Variants in EIF2AK2 observed in about 807,000 individuals in gnomAD.
The protein encoded by EIF2AK2 is eukaryotic translation initiation factor 2 alpha kinase 2.
In EIF2AK2, 40 loss-of-function variants were observed where a neutral mutation model predicts 70.5. That is an observed-to-expected ratio of 0.57 (90% CI 0.44 to 0.74). The LOEUF (loss-of-function observed/expected upper bound fraction) is 0.74. Among genes scored for constraint, EIF2AK2 ranks in the 30% least tolerant of loss-of-function variants. EIF2AK2 has a pLI of 0.00. For synonymous variants in EIF2AK2, 198 were observed against 220.9 expected (o/e 0.90, Z 0.92); for missense variants, 555 against 644.3 (o/e 0.86, Z 1.50).
rs538168144 is a variant in EIF2AK2 at position 37,101,766 on chromosome 2, G to A, written c.*5507C>T. 9 of 152,272 alleles carry A rather than the reference G, an allele frequency of 5.9e-5. No individual in the cohort carries two copies. The South Asian group carries it at 1.9e-3, about 32-fold the overall frequency. 9.4% of individuals were successfully genotyped at this position (152,272 alleles called of 1,614,324 possible). A position where few individuals can be genotyped will look rare whatever the true frequency, so the allele number is the denominator to read the frequency against. On this transcript the variant is annotated 3_prime_UTR_variant, in exon 17 of 17. Coordinates refer to ENST00000233057, the MANE Select transcript of EIF2AK2 (RefSeq NM_001135651.3). ...TCAACCAAATGCAATGTTGGATCTA[G>A]ATTTCAACAACCAAGAAAACTGTAT...
chr2:37,117,996 G>A lies in EIF2AK2; in HGVS notation c.1248+1963C>T, dbSNP rs549545276. Among the ~76,000 whole-genome samples the A allele has an allele frequency of 4.6e-5, 7 of 152,278 alleles. No homozygotes were observed. In the South Asian group the frequency reaches 1.4e-3, roughly 32 times the overall value. On this transcript the variant is annotated intron_variant, in intron 13 of 16. Coordinates refer to ENST00000233057, the MANE Select transcript of EIF2AK2 (RefSeq NM_001135651.3). ...AGTGAGAGCCTGAAAAGTTATAGAA[G>A]ATGAAAGAAGTCTCAGTATCAAAGC...
At chr2:37,135,363 C>A in intron 10 of EIF2AK2, 121 bp downstream of exon 10, 6 of 775,350 alleles carry the variant, frequency 7.7e-6, no homozygotes, top group South Asian at 5.5e-5. Context: ...TCTTACCCTG[C>A]GTAGTTAATC....
chr2:37,114,487 C>CAT (rs1346164407), intron 14 of EIF2AK2, among the ~76,000 whole-genome samples: 1 of 151,818 alleles, frequency 6.6e-6, no homozygotes, highest in South Asian at 2.1e-4. Context: ...AAAATGTACA[C>CAT]ATATATATGT....
At chr2:37,135,447 T>G (rs373144781) in intron 10 of EIF2AK2, 37 bp downstream of exon 10, 1 of 1,548,142 alleles carries the variant, frequency 6.5e-7, no homozygotes, top group Non-Finnish European at 8.8e-7. Flanking sequence ...ACCGACAGCA[T>G]TACCCCTTCT....
At chr2:37,142,379 C>T (rs1249064786) in intron 4 of EIF2AK2, among the ~76,000 whole-genome samples, 3 of 152,082 alleles carry the variant, frequency 2.0e-5, no homozygotes, top group Admixed American at 6.6e-5. Context: ...GTTATCTGCC[C>T]GCCTCAGCCT....
chr2:37,138,109 A>C (rs1341112912), intron 8 of EIF2AK2, among the ~76,000 whole-genome samples, 161 bp downstream of exon 8: 2 of 112,884 alleles, frequency 1.8e-5, no homozygotes, highest in Non-Finnish European at 3.6e-5. Context: ...ACTCCATCTC[A>C]AAAAAAAAAA....
At chr2:37,155,832 C>T (rs7580428) in intron 1 of EIF2AK2, among the ~76,000 whole-genome samples, 62,032 of 150,970 alleles carry the variant, frequency 0.41, 13,402 homozygotes, top group East Asian at 0.77. Context: ...TCCCAGCTAC[C>T]TGGGAGGCTG....
chr2:37,114,960 G>T, intron 13 of EIF2AK2, 101 bp from the exon 14 acceptor site: 1 of 803,358 alleles, frequency 1.2e-6, no homozygotes, highest in Non-Finnish European at 1.7e-6. Context: ...TTATTTATAA[G>T]ACCTTTACCC....
At chr2:37,140,235 C>A (rs1675281565) in intron 5 of EIF2AK2, among the ~76,000 whole-genome samples, 1 of 151,568 alleles carries the variant, frequency 6.6e-6, no homozygotes, top group Admixed American at 6.6e-5. Context: ...TCACCATTGT[C>A]TGCCATCTGC....
At chr2:37,123,252 T>G (rs1332647015) in intron 11 of EIF2AK2, among the ~76,000 whole-genome samples, 1 of 151,904 alleles carries the variant, frequency 6.6e-6, no homozygotes, top group Admixed American at 6.6e-5. Flanking sequence ...GAAATGCCAG[T>G]GATGTCATTT....
At chr2:37,114,681 T>TAATATAAAATAAAATAATAA in intron 14 of EIF2AK2, 50 bp downstream of exon 14, 1 of 1,448,768 alleles carries the variant, frequency 6.9e-7, no homozygotes, top group African/African-American at 1.4e-5. Flanking sequence ...CTTTTTATAA[T>TAATATAAAATAAAATAATAA]TTTCAAAATA....
intron 10 of EIF2AK2, among the ~76,000 whole-genome samples, chr2:37,131,335 T>G (rs1458015874): frequency 6.6e-6 from 1 of 152,218 alleles, no homozygotes; most frequent in African/African-American, 2.4e-5. Context: ...CAGTGGCATA[T>G]TCTTCAAAAC....
At chr2:37,151,968 A>C (rs1675758483) in intron 1 of EIF2AK2, among the ~76,000 whole-genome samples, 1 of 152,226 alleles carries the variant, frequency 6.6e-6, no homozygotes, top group South Asian at 2.1e-4. Context: ...CGCGAGGCTG[A>C]GGCAGGAGAA....
intron 12 of EIF2AK2, 91 bp from the exon 13 acceptor site, chr2:37,120,230 T>C: frequency 1.1e-6 from 1 of 909,404 alleles, no homozygotes. Context: ...TTCATAACTT[T>C]TTAAAAGCTT....
intron 1 of EIF2AK2, among the ~76,000 whole-genome samples, chr2:37,156,247 G>A (rs78914684): frequency 0.029 from 4,439 of 152,268 alleles, 83 homozygotes; most frequent in Non-Finnish European, 0.033. Flanking sequence ...CGTGGCCGGA[G>A]TAGGGGGTGC....
intron 11 of EIF2AK2, 48 bp from the exon 12 acceptor site, chr2:37,122,712 A>G: frequency 1.9e-6 from 3 of 1,609,412 alleles, no homozygotes; most frequent in Non-Finnish European, 1.7e-6. Flanking sequence ...TACATCCCTC[A>G]TAACAACCAC....
intron 6 of EIF2AK2, among the ~76,000 whole-genome samples, chr2:37,139,311 T>C (rs1286409014): frequency 8.6e-5 from 11 of 127,746 alleles, no homozygotes; most frequent in African/African-American, 3.4e-4. Flanking sequence ...CGAGATTCCA[T>C]CTCAAAAAAA....
chr2:37,147,658 G>A lies in EIF2AK2; in HGVS notation c.119+30C>T, dbSNP rs553372633. Reference sequence around the variant, plus strand: ...GGACATGAACTCATCATTTTTTATGGCTGCCATATCATTTTTTATAGCAAC... The same window carrying A: ...GGACATGAACTCATCATTTTTTATGACTGCCATATCATTTTTTATAGCAAC... On this transcript the variant is annotated intron_variant, in intron 3 of 16. Transcript: ENST00000233057. The A allele has an allele frequency of 1.3e-4, 180 of 1,409,976 alleles. 2 individuals carry two copies. In the South Asian group the frequency reaches 1.9e-3, roughly 15 times the overall value. The allele number at this position is 1,409,976 out of a possible 1,614,324, so 87.3% of individuals were successfully genotyped here.
chr2:37,132,110 G>C (rs1441036805), intron 10 of EIF2AK2, among the ~76,000 whole-genome samples: 1 of 152,030 alleles, frequency 6.6e-6, no homozygotes, highest in Admixed American at 6.6e-5. Context: ...ATTTCTTTAG[G>C]GAACCGTGAG....
Sources: gnomAD v4.1 joint callset for allele counts (sites outside exome capture counted in the v4.1 genomes callset) on GRCh38, gnomAD v4.1.1 for gene constraint, MANE v1.5 for transcripts, NCBI Gene and HGNC (gene_info 2026-07-23, HGNC 2026-07-21) for gene names.